PCSK2: variants seen among roughly 807,000 people sequenced by gnomAD.
PCSK2 encodes proprotein convertase subtilisin/kexin type 2.
A neutral mutation model predicts 69.7 loss-of-function variants in PCSK2; 14 were observed. The observed-to-expected ratio is 0.20, with a 90% CI of 0.13 to 0.31. The LOEUF is 0.31. Among genes scored for constraint, PCSK2 ranks in the 10% least tolerant of loss-of-function variants. PCSK2 has a pLI of 1.00. For synonymous variants in PCSK2, 307 were observed against 320.7 expected, an observed-to-expected ratio of 0.96 and a Z score of 0.46; for missense variants, 544 against 842.5, an observed-to-expected ratio of 0.65 and a Z score of 4.39.
At position 17,358,411 on chromosome 20, in the gene PCSK2, G is replaced by T; in HGVS notation, c.367G>T (p.Asp123Tyr). The T allele has an allele frequency of 6.2e-7, 1 of 1,607,592 alleles. No homozygotes were observed. Among genetic ancestry groups the T allele is most frequent in the East Asian group, 2.2e-5 (1 of 44,794 alleles). The change falls in exon 3 of 12, where the codon GAT (aspartate) becomes TAT (tyrosine). Residue 123 changes from aspartate to tyrosine, a missense_variant. Asp to Tyr is a radical substitution (Grantham distance 160). This residue lies in a region of PCSK2 where 157 missense variants were observed against 155.0 expected (regional missense o/e 1.01). Transcript: ENST00000262545. ...DINEIDINMN[D>Y]PLFTKQWYLI... ...CAATGAGATCGACATCAACATGAAC[G>T]ATCCTCTTTTTACAAAGCAGTGGTA...
intron 1 of PCSK2, among the ~76,000 whole-genome samples, chr20:17,258,494 G>A (rs974654806): frequency 2.0e-5 from 3 of 151,968 alleles, no homozygotes; most frequent in Non-Finnish European, 2.9e-5. Flanking sequence ...AAAAATGGAA[G>A]CATCTTAATA....
intron 8 of PCSK2, among the ~76,000 whole-genome samples, chr20:17,446,599 A>G (rs1408407539): frequency 6.6e-6 from 1 of 152,224 alleles, no homozygotes; most frequent in African/African-American, 2.4e-5. Context: ...AGGTAGCTCA[A>G]GAGGTAACCA....
At chr20:17,234,801 A>G (rs1986273328) in intron 1 of PCSK2, among the ~76,000 whole-genome samples, 1 of 152,228 alleles carries the variant, frequency 6.6e-6, no homozygotes, top group Admixed American at 6.5e-5. Flanking sequence ...TTCCACTCAA[A>G]CTAACTGCTC....
At chr20:17,363,089 C>T (rs1014087245) in intron 4 of PCSK2, among the ~76,000 whole-genome samples, 1 of 152,246 alleles carries the variant, frequency 6.6e-6, no homozygotes, top group Admixed American at 6.5e-5. Context: ...ACACAGATGC[C>T]AACCCTGATA....
intron 10 of PCSK2, among the ~76,000 whole-genome samples, chr20:17,460,827 T>C (rs1300825359): frequency 6.6e-6 from 1 of 152,222 alleles, no homozygotes; most frequent in Non-Finnish European, 1.5e-5. Flanking sequence ...TATGTTATCA[T>C]TAATAATAAT....
At chr20:17,322,986 C>T (rs185517729) in intron 2 of PCSK2, among the ~76,000 whole-genome samples, 18 of 152,244 alleles carry the variant, frequency 1.2e-4, no homozygotes, top group African/African-American at 4.1e-4. Context: ...GCCTCACTCT[C>T]CCAGAGTAGC....
chr20:17,313,511 G>A (rs1027417979), intron 2 of PCSK2, among the ~76,000 whole-genome samples: 3 of 152,084 alleles, frequency 2.0e-5, no homozygotes, highest in Admixed American at 1.3e-4. Flanking sequence ...TAAGACCTTC[G>A]AGTGACTCAC....
intron 5 of PCSK2, among the ~76,000 whole-genome samples, chr20:17,401,960 T>C (rs1362369835): frequency 6.6e-6 from 1 of 152,216 alleles, no homozygotes; most frequent in Admixed American, 6.5e-5. Context: ...TCCAGGAATG[T>C]ACGCTTTTAG....
chr20:17,390,216 G>C (rs1043781957), intron 5 of PCSK2, among the ~76,000 whole-genome samples: 1 of 152,174 alleles, frequency 6.6e-6, no homozygotes, highest in Non-Finnish European at 1.5e-5. Context: ...CAGATACAGC[G>C]ATAGAGATCA....
In PCSK2 at chr20:17,429,534, C is replaced by T. The variant is rs373082007; in HGVS notation, c.709+11C>T. The T allele has an allele frequency of 1.2e-5, 19 of 1,591,272 alleles. No homozygotes were observed. Among genetic ancestry groups the T allele is most frequent in the African/African-American group, 4.0e-5 (3 of 74,418 alleles). On this transcript the variant is annotated intron_variant, in intron 7 of 11. Transcript: ENST00000262545. ...ACTCCAAGGTTGCAGGTAAGCCATC[C>T]CTGCCAAACAGAGGCCCCCACTAGG...
At chr20:17,398,773 C>T (rs2031571042) in intron 5 of PCSK2, among the ~76,000 whole-genome samples, 1 of 151,516 alleles carries the variant, frequency 6.6e-6, no homozygotes, top group Non-Finnish European at 1.5e-5. Flanking sequence ...TTTTTTTAAG[C>T]TCCTGATGCT....
At chr20:17,232,128 T>A (rs1289735345) in intron 1 of PCSK2, among the ~76,000 whole-genome samples, 2 of 152,180 alleles carry the variant, frequency 1.3e-5, no homozygotes, top group Non-Finnish European at 2.9e-5. Flanking sequence ...GTGAAATCTA[T>A]CATCTTCACA....
intron 2 of PCSK2, among the ~76,000 whole-genome samples, chr20:17,294,166 G>A (rs1489430155): frequency 7.0e-6 from 1 of 142,182 alleles, no homozygotes. Context: ...TTGCAGTGGC[G>A]CGATCTCGGC....
intron 1 of PCSK2, among the ~76,000 whole-genome samples, chr20:17,241,248 A>T (rs1986560308): frequency 1.3e-5 from 2 of 152,228 alleles, no homozygotes; most frequent in African/African-American, 4.8e-5. Flanking sequence ...AAACCACAGG[A>T]TGTGCAATGA....
intron 2 of PCSK2, among the ~76,000 whole-genome samples, chr20:17,357,478 A>G (rs1039220580): frequency 2.6e-5 from 4 of 152,246 alleles, no homozygotes; most frequent in Non-Finnish European, 4.4e-5. Flanking sequence ...AGCCATCCAG[A>G]AAAATTATAC....
intron 4 of PCSK2, among the ~76,000 whole-genome samples, chr20:17,365,410 C>A (rs2030556363): frequency 6.6e-6 from 1 of 152,138 alleles, no homozygotes; most frequent in Non-Finnish European, 1.5e-5. Context: ...TAGAGGGACA[C>A]AAACACTCAA....
intron 1 of PCSK2, among the ~76,000 whole-genome samples, chr20:17,257,156 C>A (rs547523564): frequency 2.2e-4 from 33 of 152,012 alleles, no homozygotes; most frequent in Admixed American, 9.2e-4. Flanking sequence ...ACGTGGCCAA[C>A]AAACATATGA....
At position 17,387,397 on chromosome 20, in the gene PCSK2, C is replaced by A. The variant is rs191204008; in HGVS notation, c.543+18120C>A. The stretch of plus-strand genomic sequence containing the variant: ...AGTTTGGCTGGGTGGCTCCGTGTTT[C>A]TCGTGAGGTTGCAGTCAGCATGTTG... On this transcript the variant is annotated intron_variant, in intron 5 of 11. Coordinates refer to ENST00000262545, the MANE Select transcript of PCSK2 (RefSeq NM_002594.5). Among the ~76,000 whole-genome samples, 154 of 152,260 alleles carry A rather than the reference C, an allele frequency of 1.0e-3. 2 individuals carry two copies. Among genetic ancestry groups the A allele is most frequent in the Admixed American group, 9.5e-3 (146 of 15,292 alleles).
chr20:17,322,786 AG>A (rs1285555306), intron 2 of PCSK2, among the ~76,000 whole-genome samples: 2 of 152,348 alleles, frequency 1.3e-5, no homozygotes, highest in East Asian at 3.9e-4. Context: ...TTCTTTTATA[AG>A]GGCATTAATT....
Sources: allele counts gnomAD v4.1 joint callset (sites outside exome capture counted in the v4.1 genomes callset), GRCh38; gene constraint gnomAD v4.1.1; regional missense constraint gnomAD v4.1.1; transcripts MANE v1.5; gene names NCBI Gene and HGNC (gene_info 2026-07-23, HGNC 2026-07-21).